NBAS: variants seen among roughly 807,000 people sequenced by gnomAD.
NBAS encodes NBAS subunit of NRZ tethering complex, also known as NAG/BC035112 fusion.
NBAS carries 219 observed loss-of-function variants against 302.5 expected under a neutral mutation model. That is an observed-to-expected ratio of 0.72 (90% CI 0.65 to 0.81). The LOEUF (loss-of-function observed/expected upper bound fraction) is 0.81, where lower values mean the gene tolerates loss of function less well. NBAS is among the 30% of genes least tolerant of loss of function. The probability of loss-of-function intolerance (pLI) is 0.00; values close to 1 mark genes in which losing one functional copy is unlikely to be tolerated. For missense variants in NBAS, 2,932 were observed against 2,841.6 expected, an observed-to-expected ratio of 1.03 and a Z score of -0.72; for synonymous variants, 1,118 against 1,021.6, an observed-to-expected ratio of 1.09 and a Z score of -1.80.
At chr2:15,098,539 T>C in the NBAS span, among the ~76,000 whole-genome samples, 2 of 127,296 alleles carry the variant, frequency 1.6e-5, no homozygotes, top group Non-Finnish European at 3.1e-5. Flanking sequence ...ATATTATGTA[T>C]TGTATATAAT....
the NBAS span, among the ~76,000 whole-genome samples, chr2:15,089,911 G>C: frequency 6.6e-6 from 1 of 151,930 alleles, no homozygotes; most frequent in Non-Finnish European, 1.5e-5. Context: ...ATCACACCTG[G>C]CTAATTTTTG....
chr2:15,556,984 A>T (rs750258909), intron 2 of NBAS, among the ~76,000 whole-genome samples, 165 bp from the exon 3 acceptor site: 6 of 152,112 alleles, frequency 3.9e-5, no homozygotes, highest in Non-Finnish European at 8.8e-5. Context: ...CCTAATATAC[A>T]CTGTAACATT....
chr2:15,234,524 A>G, intron 46 of NBAS, 21 bp downstream of exon 46: 1 of 1,611,526 alleles, frequency 6.2e-7, no homozygotes. Flanking sequence ...GTTTTTCCAC[A>G]ATGACCACTT....
chr2:15,441,734 T>C (rs1282219969), intron 21 of NBAS, among the ~76,000 whole-genome samples: 10 of 151,594 alleles, frequency 6.6e-5, no homozygotes, highest in South Asian at 2.1e-4. Context: ...GAGTCAAGAC[T>C]CATCAGTGTG....
At chr2:14,865,218 C>A in the NBAS span, among the ~76,000 whole-genome samples, 1 of 151,990 alleles carries the variant, frequency 6.6e-6, no homozygotes, top group African/African-American at 2.4e-5. Flanking sequence ...GGAATAATAA[C>A]TCTAACTTCT....
chr2:15,439,248 G>A (rs1350081384), intron 21 of NBAS, among the ~76,000 whole-genome samples: 3 of 150,232 alleles, frequency 2.0e-5, no homozygotes, highest in Non-Finnish European at 4.4e-5. Context: ...CTTGCAGTGA[G>A]CTGAGACATC....
chr2:15,470,028 G>A (rs1361449039), intron 16 of NBAS, among the ~76,000 whole-genome samples: 2 of 151,822 alleles, frequency 1.3e-5, no homozygotes, highest in Admixed American at 6.6e-5. Context: ...TCCCTGACTT[G>A]CCCTCTTCCT....
chr2:15,526,708 C>T (rs2148668400), intron 9 of NBAS, among the ~76,000 whole-genome samples: 1 of 152,210 alleles, frequency 6.6e-6, no homozygotes, highest in South Asian at 2.1e-4. Context: ...CTGACTGCCA[C>T]CAAGAGATGT....
the NBAS span, among the ~76,000 whole-genome samples, chr2:15,034,545 G>A: frequency 6.6e-6 from 1 of 152,120 alleles, no homozygotes; most frequent in African/African-American, 2.4e-5. Flanking sequence ...ACTAAGACAA[G>A]CCTTGACAAA....
the NBAS span, among the ~76,000 whole-genome samples, chr2:14,870,029 T>C: frequency 8.1e-4 from 124 of 152,334 alleles, no homozygotes; most frequent in African/African-American, 2.7e-3. Flanking sequence ...AATTTAAAAC[T>C]GGACAAAATA....
intron 13 of NBAS, among the ~76,000 whole-genome samples, chr2:15,477,615 T>A (rs1184966066): frequency 2.6e-5 from 4 of 152,228 alleles, no homozygotes; most frequent in Non-Finnish European, 5.9e-5. Flanking sequence ...CTGAAGACAC[T>A]TAAAAATTCA....
chr2:15,185,122 A>G (rs1665016004), intron 50 of NBAS, among the ~76,000 whole-genome samples: 2 of 152,184 alleles, frequency 1.3e-5, no homozygotes, highest in South Asian at 4.2e-4. Context: ...AAGCACAGAG[A>G]CTTGATTTGA....
At chr2:14,885,081 A>G in the NBAS span, among the ~76,000 whole-genome samples, 1 of 152,194 alleles carries the variant, frequency 6.6e-6, no homozygotes, top group Non-Finnish European at 1.5e-5. Flanking sequence ...AAGTTCAATG[A>G]GCAGTCATGA....
chr2:15,505,662 T>C (rs1473553695), intron 10 of NBAS, among the ~76,000 whole-genome samples: 1 of 152,158 alleles, frequency 6.6e-6, no homozygotes, highest in Non-Finnish European at 1.5e-5. Context: ...AGTATTCCAA[T>C]ATCATAAAAA....
At chr2:14,892,487 C>T in the NBAS span, among the ~76,000 whole-genome samples, 1 of 140,852 alleles carries the variant, frequency 7.1e-6, no homozygotes, top group Non-Finnish European at 1.6e-5. Context: ...CTTTTTAAAT[C>T]GCTTCTCTTC....
At chr2:15,069,335 G>T in the NBAS span, among the ~76,000 whole-genome samples, 1 of 152,152 alleles carries the variant, frequency 6.6e-6, no homozygotes, top group Admixed American at 6.5e-5. Context: ...GCAGTGAAGC[G>T]GCTTTGGAAA....
chr2:15,274,542 T>C (rs773491228), intron 44 of NBAS, among the ~76,000 whole-genome samples: 1 of 151,772 alleles, frequency 6.6e-6, no homozygotes, highest in Non-Finnish European at 1.5e-5. Flanking sequence ...TAGTGAAAAA[T>C]GTCCATTTGT....
At chr2:14,795,834 T>C in the NBAS span, among the ~76,000 whole-genome samples, 1 of 152,172 alleles carries the variant, frequency 6.6e-6, no homozygotes, top group Non-Finnish European at 1.5e-5. Context: ...GCCAAAAATA[T>C]CTGCAGATAT....
chr2:14,914,112 T>C, the NBAS span, among the ~76,000 whole-genome samples: 4 of 152,190 alleles, frequency 2.6e-5, no homozygotes, highest in Admixed American at 2.6e-4. Context: ...TCAGATCTCA[T>C]GAGACTTATT....
Sources: gnomAD v4.1 joint callset for allele counts (sites outside exome capture counted in the v4.1 genomes callset) on GRCh38, gnomAD v4.1.1 for gene constraint, MANE v1.5 for transcripts, NCBI Gene and HGNC (gene_info 2026-07-23, HGNC 2026-07-21) for gene names.